The following TMEM161B variants were observed in gnomAD, a reference collection of about 807,000 sequenced individuals.
The protein encoded by TMEM161B is transmembrane protein 161B.
In TMEM161B, 34 loss-of-function variants were observed where a neutral mutation model predicts 61.8. The ratio of observed to expected loss-of-function variants is 0.55; its 90% confidence interval spans 0.42 to 0.73. The LOEUF (loss-of-function observed/expected upper bound fraction) is 0.73. Among genes scored for constraint, TMEM161B ranks in the 30% least tolerant of loss-of-function variants. The probability of loss-of-function intolerance (pLI) is 0.00; values close to 1 mark genes in which losing one functional copy is unlikely to be tolerated. For synonymous variants in TMEM161B, 167 were observed against 192.8 expected, an observed-to-expected ratio of 0.87 and a Z score of 1.11; for missense variants, 456 against 558.5, an observed-to-expected ratio of 0.82 and a Z score of 1.85.
chr5:88,196,543 T>G, intron 11 of TMEM161B, 55 bp from the exon 12 acceptor site: 1 of 1,490,034 alleles, frequency 6.7e-7, no homozygotes, highest in Non-Finnish European at 8.9e-7. Context: ...ACCAAGCTTT[T>G]TATTAAAAAA....
chr5:88,262,958 T>C (rs1755869695), intron 1 of TMEM161B, among the ~76,000 whole-genome samples: 1 of 152,246 alleles, frequency 6.6e-6, no homozygotes, highest in Admixed American at 6.5e-5. Flanking sequence ...TTACATGAAA[T>C]TTCATATAAT....
At chr5:88,221,935 A>G (rs1167021947) in intron 4 of TMEM161B, among the ~76,000 whole-genome samples, 2 of 152,242 alleles carry the variant, frequency 1.3e-5, no homozygotes, top group Non-Finnish European at 2.9e-5. Flanking sequence ...ACATACAGTA[A>G]GACCTATTAA....
intron 1 of TMEM161B, among the ~76,000 whole-genome samples, chr5:88,249,864 C>T (rs1008220281): frequency 5.3e-5 from 8 of 152,120 alleles, no homozygotes; most frequent in African/African-American, 9.7e-5. Flanking sequence ...AGTATCCCCA[C>T]GTGGTCACAA....
At chr5:88,228,604 TAA>T (rs772849341) in intron 2 of TMEM161B, 76 bp from the exon 3 acceptor site, 13 of 1,063,858 alleles carry the variant, frequency 1.2e-5, no homozygotes, top group Admixed American at 2.7e-5. Flanking sequence ...AAATATTTAT[TAA>T]GTTTCATATT....
chr5:88,213,791 CAACA>C (rs1381592273), intron 5 of TMEM161B, among the ~76,000 whole-genome samples: 4 of 152,200 alleles, frequency 2.6e-5, no homozygotes, highest in Admixed American at 1.3e-4. Flanking sequence ...CATGTTCATA[CAACA>C]AACAAGCGTT....
At chr5:88,208,995 G>C (rs953818396) in intron 5 of TMEM161B, among the ~76,000 whole-genome samples, 3 of 152,098 alleles carry the variant, frequency 2.0e-5, no homozygotes, top group Non-Finnish European at 2.9e-5. Flanking sequence ...TAATAATTTT[G>C]TGCATGAAAA....
At chr5:88,186,801 G>C (rs1413552415), downstream of TMEM161B, among the ~76,000 whole-genome samples, 1 of 151,868 alleles carries the variant, frequency 6.6e-6, no homozygotes, top group Non-Finnish European at 1.5e-5. Flanking sequence ...TACTCAGGAG[G>C]CTAAGGCAGG....
intron 1 of TMEM161B, among the ~76,000 whole-genome samples, chr5:88,253,443 C>T (rs1393643228): frequency 6.6e-6 from 1 of 152,038 alleles, no homozygotes; most frequent in African/African-American, 2.4e-5. Flanking sequence ...ACTAGTTTGA[C>T]AAGGTTAAAA....
At chr5:88,250,463 GC>G (rs1318253677) in intron 1 of TMEM161B, among the ~76,000 whole-genome samples, 1 of 152,058 alleles carries the variant, frequency 6.6e-6, no homozygotes, top group African/African-American at 2.4e-5. Context: ...CAGACAAGAG[GC>G]CTCTCAGAAC....
chr5:88,266,746 G>C (rs1044671615), intron 1 of TMEM161B, among the ~76,000 whole-genome samples: 2 of 152,118 alleles, frequency 1.3e-5, no homozygotes, highest in Non-Finnish European at 2.9e-5. Flanking sequence ...TCATTTAATG[G>C]TTAAACTCTT....
At chr5:88,209,663 T>C (rs1400662774) in intron 5 of TMEM161B, among the ~76,000 whole-genome samples, 1 of 152,176 alleles carries the variant, frequency 6.6e-6, no homozygotes. Context: ...GGATAAATCT[T>C]AAAAACCTAA....
At chr5:88,250,193 AAGAG>A (rs375218954) in intron 1 of TMEM161B, among the ~76,000 whole-genome samples, 5 of 148,524 alleles carry the variant, frequency 3.4e-5, no homozygotes, top group Admixed American at 6.7e-5. Flanking sequence ...AAGAGAGAGA[AAGAG>A]AGAGAGAGAG....
chr5:88,247,047 T>C (rs553971300), intron 1 of TMEM161B, among the ~76,000 whole-genome samples: 6 of 151,980 alleles, frequency 3.9e-5, no homozygotes, highest in Non-Finnish European at 7.4e-5. Flanking sequence ...GGGTGAAACA[T>C]TGGGGTAACT....
chr5:88,265,391 G>GACAA (rs1465661568), intron 1 of TMEM161B, among the ~76,000 whole-genome samples: 1 of 152,148 alleles, frequency 6.6e-6, no homozygotes, highest in Non-Finnish European at 1.5e-5. Context: ...CAGATCATCA[G>GACAA]GCATTAGATT....
At chr5:88,225,065 T>G (rs1749790787) in intron 4 of TMEM161B, among the ~76,000 whole-genome samples, 1 of 150,280 alleles carries the variant, frequency 6.7e-6, no homozygotes, top group Non-Finnish European at 1.5e-5. Flanking sequence ...CCTCCCGGGT[T>G]CACGTCATTC....
chr5:88,266,405 G>A (rs1756383221), intron 1 of TMEM161B, among the ~76,000 whole-genome samples: 1 of 152,048 alleles, frequency 6.6e-6, no homozygotes, highest in Non-Finnish European at 1.5e-5. Context: ...AAGCCAAAAT[G>A]GCATGGAAAC....
intron 1 of TMEM161B, chr5:88,250,655 C>G (rs1302355797): frequency 6.6e-6 from 1 of 152,158 alleles, no homozygotes; most frequent in East Asian, 1.9e-4. Context: ...ACTCACCAGC[C>G]TAGTTTAAAG....
intron 1 of TMEM161B, among the ~76,000 whole-genome samples, chr5:88,260,020 T>C (rs1755491751): frequency 6.6e-6 from 1 of 152,218 alleles, no homozygotes; most frequent in South Asian, 2.1e-4. Flanking sequence ...TGAGCCTCCA[T>C]TTCTACATCT....
chr5:88,203,079 A>G lies in TMEM161B; in HGVS notation c.801-4T>C. ...GAAGTTGATATGAAGTAAAGTTCTG[A>G]AAGTACGTAAGAAATAAATATAAAA... On this transcript the variant is annotated splice_region_variant and splice_polypyrimidine_tract_variant and intron_variant, in intron 8 of 11. Coordinates refer to ENST00000296595, the MANE Select transcript of TMEM161B (RefSeq NM_153354.5). 6.6e-7 allele frequency: 1 copy of G among 1,515,074 alleles called. No homozygotes were observed. Among genetic ancestry groups the G allele is most frequent in the Non-Finnish European group, 9.2e-7 (1 of 1,091,044 alleles). 93.9% of individuals were successfully genotyped at this position (1,515,074 alleles called of 1,614,324 possible). A position where few individuals can be genotyped will look rare whatever the true frequency, so the allele number is the denominator to read the frequency against.
Sources: gnomAD v4.1 joint callset for allele counts (sites outside exome capture counted in the v4.1 genomes callset) on GRCh38, gnomAD v4.1.1 for gene constraint, MANE v1.5 for transcripts, NCBI Gene and HGNC (gene_info 2026-07-23, HGNC 2026-07-21) for gene names.